The following ACTN1 variants were observed in gnomAD, a reference collection of about 807,000 sequenced individuals.
ACTN1 encodes actinin alpha 1.
Under a neutral mutation model 119.6 loss-of-function variants are expected in ACTN1, and 30 were observed. The observed-to-expected ratio is 0.25, with a 90% CI of 0.19 to 0.34. The LOEUF is 0.34. ACTN1 is among the 10% of genes least tolerant of loss of function. The pLI is 1.00. For synonymous variants in ACTN1, 429 were observed against 472.6 expected, an observed-to-expected ratio of 0.91 and a Z score of 1.20; for missense variants, 764 against 1,223.4, an observed-to-expected ratio of 0.62 and a Z score of 5.60.
intron 1 of ACTN1, among the ~76,000 whole-genome samples, chr14:68,937,065 T>A (rs1325291336): frequency 1.3e-5 from 2 of 152,166 alleles, no homozygotes; most frequent in African/African-American, 4.8e-5. Flanking sequence ...CCTTCCTTTT[T>A]CCCTTGCCAA....
At chr14:68,958,339 G>C (rs564940213) in intron 1 of ACTN1, among the ~76,000 whole-genome samples, 2 of 152,094 alleles carry the variant, frequency 1.3e-5, no homozygotes, top group East Asian at 3.9e-4. Flanking sequence ...GGGACTGTCC[G>C]AGGCTCAAAC....
rs1196387719 is a variant in ACTN1 at position 68,888,073 on chromosome 14, C to T, written c.1234+2066G>A. On this transcript the variant is annotated intron_variant, in intron 11 of 21. Transcript: ENST00000394419. ...CGGCTCCTTCAGCAGAGCTGACCTT[C>T]CCCTTGGGCATCCTGGCGGCAGGGA... The T allele has an allele frequency of 4.3e-6, 3 of 703,728 alleles. No homozygotes were observed. In the East Asian group the frequency reaches 8.2e-5, roughly 19 times the overall value. The allele number at this position is 703,728 out of a possible 1,614,324, so 43.6% of individuals were successfully genotyped here. A position where few individuals can be genotyped will look rare whatever the true frequency, so the allele number is the denominator to read the frequency against.
intron 7 of ACTN1, among the ~76,000 whole-genome samples, chr14:68,903,986 G>A (rs2033508740): frequency 6.6e-6 from 1 of 152,094 alleles, no homozygotes; most frequent in Non-Finnish European, 1.5e-5. Flanking sequence ...CAGCATCTGG[G>A]ACAGCAAGGC....
chr14:68,966,486 G>T (rs901358153), intron 1 of ACTN1, among the ~76,000 whole-genome samples: 1 of 152,150 alleles, frequency 6.6e-6, no homozygotes, highest in Non-Finnish European at 1.5e-5. Flanking sequence ...GTCTCCTGAG[G>T]CCCCGGTACC....
intron 11 of ACTN1, among the ~76,000 whole-genome samples, chr14:68,888,774 C>T (rs1594766083): frequency 2.0e-5 from 3 of 152,108 alleles, no homozygotes; most frequent in Admixed American, 6.5e-5. Flanking sequence ...ACTGCGCATG[C>T]GAGGGATCTA....
At chr14:68,935,600 G>A (rs2035464829) in intron 1 of ACTN1, among the ~76,000 whole-genome samples, 1 of 151,444 alleles carries the variant, frequency 6.6e-6, no homozygotes, top group African/African-American at 2.4e-5. Context: ...TGGCCTGGCT[G>A]GTCTCAAACT....
At chr14:68,937,446 G>T (rs2035581575) in intron 1 of ACTN1, among the ~76,000 whole-genome samples, 1 of 152,066 alleles carries the variant, frequency 6.6e-6, no homozygotes, top group South Asian at 2.1e-4. Flanking sequence ...AAAAGAATGA[G>T]TTTGAGAATA....
At chr14:68,895,935 G>C (rs777058755) in intron 8 of ACTN1, among the ~76,000 whole-genome samples, 3 of 152,094 alleles carry the variant, frequency 2.0e-5, no homozygotes, top group Non-Finnish European at 2.9e-5. Context: ...GCCTCCTGGG[G>C]ACTTTCCACA....
chr14:68,938,053 C>G (rs2035607717), intron 1 of ACTN1, among the ~76,000 whole-genome samples: 1 of 152,238 alleles, frequency 6.6e-6, no homozygotes, highest in South Asian at 2.1e-4. Context: ...AAGCAAAGAC[C>G]TGCCCAGAAG....
At position 68,882,390 on chromosome 14, in the gene ACTN1, G is replaced by T; in HGVS notation, c.1953+68C>A. On this transcript the variant is annotated intron_variant, in intron 16 of 21. Transcript: ENST00000394419. The surrounding 1 kb of genome is among the most constrained non-coding windows in gnomAD (Gnocchi z 4.5). ...TCCCACCCAGGGAGACAGGCAGCCT[G>T]GCTGGCTAGGATAGTGTCGGGGGGG... 1.3e-6 allele frequency: 2 copies of T among 1,578,476 alleles called. No individual in the cohort carries two copies. Among genetic ancestry groups the T allele is most frequent in the Non-Finnish European group, 1.7e-6 (2 of 1,159,044 alleles).
intron 1 of ACTN1, chr14:68,978,360 C>CA (rs2037143740): frequency 2.6e-6 from 1 of 382,426 alleles, no homozygotes; most frequent in Non-Finnish European, 5.2e-6. Context: ...GTACGCCCCC[C>CA]AGTTTTCTCG....
intron 1 of ACTN1, among the ~76,000 whole-genome samples, chr14:68,956,500 T>G (rs1024907956): frequency 1.1e-4 from 16 of 152,108 alleles, no homozygotes; most frequent in Non-Finnish European, 2.2e-4. Context: ...AGCATTTGGT[T>G]CAGGAGGTCT....
At chr14:68,884,466 T>C (rs934550817) in intron 13 of ACTN1, among the ~76,000 whole-genome samples, 158 bp from the exon 14 acceptor site, 1 of 152,184 alleles carries the variant, frequency 6.6e-6, no homozygotes, top group African/African-American at 2.4e-5. Flanking sequence ...CCATCTCACA[T>C]CACAGTCACC....
In ACTN1 at chr14:68,880,150, C is replaced by T. The variant is rs756962210; in HGVS notation, c.2134-42G>A. On this transcript the variant is annotated intron_variant, in intron 17 of 21. Coordinates refer to ENST00000394419, the MANE Select transcript of ACTN1 (RefSeq NM_001130004.2). This position sits in a 1 kb window ranked among gnomAD's most constrained non-coding sequence, Gnocchi z 4.6. ...GGCCTGTCAGCAAAGGGGTCCCAGG[C>T]CTGGGCTCCTGGCGGCCCCTGCCCA... is the stretch of plus-strand genomic sequence containing the variant. 7 of 1,598,630 alleles carry T rather than the reference C, an allele frequency of 4.4e-6. No homozygotes were observed. Among genetic ancestry groups the T allele is most frequent in the Middle Eastern group, 4.0e-4 (2 of 4,954 alleles).
rs2035994205 is a variant in ACTN1 at position 68,947,946 on chromosome 14, C to G, written c.106-22274G>C. Among the ~76,000 whole-genome samples, 2 of 152,244 alleles carry G rather than the reference C, an allele frequency of 1.3e-5. 1 individual carries two copies. The highest frequency in any genetic ancestry group is 4.1e-4 in the South Asian group (2 of 4,834). ...ATGAAGCCCAAGGCACCGCCCTCATCACACACGCACATAATCCCTGCTTAG... is the reference window on the plus strand; with the variant it reads ...ATGAAGCCCAAGGCACCGCCCTCATGACACACGCACATAATCCCTGCTTAG... On this transcript the variant is annotated intron_variant, in intron 1 of 21. Transcript: ENST00000394419.
chr14:68,906,849 T>G (rs916640334), intron 6 of ACTN1, among the ~76,000 whole-genome samples: 1 of 152,082 alleles, frequency 6.6e-6, no homozygotes, highest in Admixed American at 6.6e-5. Context: ...GGAAGCCAGG[T>G]GTGGTGGCTG....
Position 68,904,166 on chromosome 14 carries a change from G to A in ACTN1, c.676+489C>T, listed in dbSNP as rs1168238393. Among the ~76,000 whole-genome samples, 4 of 151,994 alleles carry A rather than the reference G, an allele frequency of 2.6e-5. No homozygotes were observed. In the East Asian group the frequency reaches 7.7e-4, roughly 29 times the overall value. On this transcript the variant is annotated intron_variant, in intron 7 of 21. Coordinates refer to ENST00000394419, the MANE Select transcript of ACTN1 (RefSeq NM_001130004.2). ...TTCTCTAGCACCCTCCTCAGAAGAT[G>A]CTAGAAGGAAGCCAGGGTTACAGAT...
intron 2 of ACTN1, among the ~76,000 whole-genome samples, chr14:68,923,866 G>A (rs973042678): frequency 1.3e-5 from 2 of 152,204 alleles, no homozygotes; most frequent in African/African-American, 4.8e-5. Flanking sequence ...CCACCGACAG[G>A]TGAATGAACA....
At chr14:68,912,033 G>A in intron 4 of ACTN1, 123 bp downstream of exon 4, 1 of 787,730 alleles carries the variant, frequency 1.3e-6, no homozygotes, top group Non-Finnish European at 2.1e-6. Flanking sequence ...CAATAAATGA[G>A]CAAGAAGCCC....
Sources: allele counts gnomAD v4.1 joint callset (sites outside exome capture counted in the v4.1 genomes callset), GRCh38; gene constraint gnomAD v4.1.1; non-coding constraint Gnocchi (gnomAD v3.1); transcripts MANE v1.5; gene names NCBI Gene and HGNC (gene_info 2026-07-23, HGNC 2026-07-21).